The following CDH8 variants were observed in gnomAD, a reference collection of about 807,000 sequenced individuals.
CDH8 encodes the protein cadherin-8.
CDH8 carries 17 observed loss-of-function variants against 68.1 expected under a neutral mutation model. That is an observed-to-expected ratio of 0.25 (90% confidence interval 0.17 to 0.37). The LOEUF (loss-of-function observed/expected upper bound fraction) is 0.37. Ranked by LOEUF, CDH8 falls within the 10% of genes least tolerant of loss-of-function variation. CDH8 has a pLI of 1.00. For missense variants in CDH8, 763 were observed against 999.3 expected (o/e 0.76, Z 3.19); for synonymous variants, 372 against 365.1 (o/e 1.02, Z -0.21).
At chr16:61,733,949 ATTT>A (rs1007341349) in intron 8 of CDH8, among the ~76,000 whole-genome samples, 17 of 152,086 alleles carry the variant, frequency 1.1e-4, no homozygotes, top group African/African-American at 3.6e-4. Flanking sequence ...ATAATATATT[ATTT>A]TTATTAATTC....
chr16:61,844,412 C>A (rs1024065973), intron 4 of CDH8, among the ~76,000 whole-genome samples: 2 of 152,004 alleles, frequency 1.3e-5, no homozygotes, highest in African/African-American at 2.4e-5. Context: ...CACATGTACC[C>A]TAAAACTTAA....
intron 2 of CDH8, among the ~76,000 whole-genome samples, chr16:62,009,193 A>T (rs1208786905): frequency 6.6e-6 from 1 of 152,192 alleles, no homozygotes; most frequent in East Asian, 1.9e-4. Context: ...TGTTCCTCAG[A>T]GTATTTGCTA....
intron 2 of CDH8, among the ~76,000 whole-genome samples, chr16:61,992,194 A>C (rs1965737301): frequency 6.6e-6 from 1 of 151,806 alleles, no homozygotes; most frequent in Admixed American, 6.6e-5. Context: ...GATAACCCAA[A>C]TGTCCAACAA....
intron 2 of CDH8, among the ~76,000 whole-genome samples, chr16:61,979,931 T>A (rs1965503146): frequency 6.6e-6 from 1 of 152,212 alleles, no homozygotes; most frequent in African/African-American, 2.4e-5. Context: ...AGAAGCGTGC[T>A]TTCATCTTTT....
chr16:61,884,075 G>A (rs1252866488), intron 3 of CDH8, among the ~76,000 whole-genome samples: 1 of 152,072 alleles, frequency 6.6e-6, no homozygotes, highest in Non-Finnish European at 1.5e-5. Flanking sequence ...GTTTTCTGTT[G>A]GTTTAACTAA....
chr16:61,834,224 A>T (rs1962520373), intron 4 of CDH8, among the ~76,000 whole-genome samples: 1 of 151,874 alleles, frequency 6.6e-6, no homozygotes, highest in African/African-American at 2.4e-5. Context: ...GACCAGAGAC[A>T]TACAGATGTT....
At chr16:61,850,032 A>C (rs1962906396) in intron 4 of CDH8, among the ~76,000 whole-genome samples, 1 of 152,146 alleles carries the variant, frequency 6.6e-6, no homozygotes, top group South Asian at 2.1e-4. Context: ...AATTATGTAC[A>C]AGTGGACTTA....
rs1257968592 is a variant in CDH8, at chr16:61,653,727, A to G, written c.2281T>C (p.Ser761Pro). The change falls in exon 12 of 12, where the codon TCC becomes CCC. Residue 761 changes from serine to proline, a missense_variant. Transcript: ENST00000577390. ...GRGSVAGSLSSLESTTSDSDQ... is the reference protein window; with the variant it reads ...GRGSVAGSLSPLESTTSDSDQ... The stretch of plus-strand genomic sequence containing the variant: ...GAGTCTGATGTGGTGGACTCCAAGG[A>G]GCTGAGGGAGCCAGCCACTGACCCT... 6.2e-7 allele frequency: 1 copy of G among 1,614,154 alleles called. No homozygotes were observed. Among genetic ancestry groups the G allele is most frequent in the Non-Finnish European group, 8.5e-7 (1 of 1,180,028 alleles).
chr16:61,665,994 C>T (rs1359116098), intron 10 of CDH8, among the ~76,000 whole-genome samples: 1 of 151,882 alleles, frequency 6.6e-6, no homozygotes, highest in Non-Finnish European at 1.5e-5. Flanking sequence ...CAGAAATAAA[C>T]AATTCATAAA....
At chr16:61,660,708 C>T (rs531196656) in intron 10 of CDH8, among the ~76,000 whole-genome samples, 2 of 152,098 alleles carry the variant, frequency 1.3e-5, no homozygotes, top group East Asian at 3.9e-4. Flanking sequence ...ATTGACTCAT[C>T]ACTTAACAGC....
intron 4 of CDH8, among the ~76,000 whole-genome samples, chr16:61,832,774 T>C (rs1962488749): frequency 6.6e-6 from 1 of 151,750 alleles, no homozygotes; most frequent in Admixed American, 6.6e-5. Flanking sequence ...CATTAAAAAC[T>C]GTTATAAAGA....
intron 8 of CDH8, among the ~76,000 whole-genome samples, chr16:61,780,397 T>C (rs1359429999): frequency 6.6e-6 from 1 of 152,222 alleles, no homozygotes; most frequent in African/African-American, 2.4e-5. Flanking sequence ...GTGAAGCATC[T>C]CAGCCTCGGT....
At chr16:61,748,047 T>C (rs1427475375) in intron 8 of CDH8, among the ~76,000 whole-genome samples, 1 of 152,098 alleles carries the variant, frequency 6.6e-6, no homozygotes, top group Non-Finnish European at 1.5e-5. Context: ...ACCACTTTGG[T>C]TGACTTCTTC....
At chr16:61,754,640 G>T (rs1211558240) in intron 8 of CDH8, among the ~76,000 whole-genome samples, 2 of 151,882 alleles carry the variant, frequency 1.3e-5, no homozygotes, top group Non-Finnish European at 2.9e-5. Context: ...TCTTTTCTTT[G>T]TGTTGAAAAC....
chr16:61,817,398 A>T (rs938896925), intron 7 of CDH8, 81 bp downstream of exon 7: 1 of 1,402,458 alleles, frequency 7.1e-7, no homozygotes, highest in African/African-American at 1.4e-5. Flanking sequence ...GGAGAGCCCC[A>T]CAGAAGGTAC....
In CDH8 at chr16:61,828,279, T is replaced by C. The variant is rs974805845; in HGVS notation, c.668-3100A>G. ...AGGGGAGGAATGAATAATCCACCCA[T>C]TGTTTAGCATATCATCAAGAAATAA... is the stretch of plus-strand genomic sequence containing the variant. On this transcript the variant is annotated intron_variant, in intron 4 of 11. Transcript: ENST00000577390. 1.6e-4 allele frequency among the ~76,000 whole-genome samples: 24 copies of C among 151,936 alleles called. 1 individual carries two copies. The highest frequency in any genetic ancestry group is 5.1e-4 in the African/African-American group (21 of 41,414).
At chr16:61,854,465 T>C (rs1315615285) in intron 4 of CDH8, among the ~76,000 whole-genome samples, 2 of 152,092 alleles carry the variant, frequency 1.3e-5, no homozygotes, top group Non-Finnish European at 2.9e-5. Context: ...TTCTCCTCTT[T>C]GATCGCATGG....
chr16:62,011,299 A>C (rs1445769828), intron 2 of CDH8, among the ~76,000 whole-genome samples: 1 of 152,156 alleles, frequency 6.6e-6, no homozygotes, highest in African/African-American at 2.4e-5. Flanking sequence ...GACAACAGTT[A>C]ATAGTTCTCA....
intron 8 of CDH8, among the ~76,000 whole-genome samples, chr16:61,731,197 G>A (rs4613057): frequency 0.027 from 4,029 of 151,730 alleles, 170 homozygotes; most frequent in African/African-American, 0.09. Context: ...AAACACTAAA[G>A]GTTGCTATGA....
Sources: allele counts gnomAD v4.1 joint callset (sites outside exome capture counted in the v4.1 genomes callset), GRCh38; gene constraint gnomAD v4.1.1; transcripts MANE v1.5; gene names NCBI Gene and HGNC (gene_info 2026-07-23, HGNC 2026-07-21).